RIPK1: variants seen among roughly 807,000 people sequenced by gnomAD.
RIPK1 encodes the protein receptor-interacting serine/threonine-protein kinase 1.
RIPK1 carries 27 observed loss-of-function variants against 62.4 expected under a neutral mutation model. The ratio of observed to expected loss-of-function variants is 0.43; its 90% confidence interval spans 0.32 to 0.60. The LOEUF (loss-of-function observed/expected upper bound fraction) is 0.60. RIPK1 is among the 20% of genes least tolerant of loss of function. RIPK1 has a pLI of 0.07. For synonymous variants in RIPK1, 287 were observed against 303.2 expected (o/e 0.95, Z 0.55); for missense variants, 735 against 831.0 (o/e 0.88, Z 1.42).
In RIPK1 at chr6:3,110,891, A is replaced by G; in HGVS notation, c.1665A>G (p.Ser555=). Residue 555 remains serine, a synonymous_variant, in exon 10 of 11, where the codon TCA becomes TCG. Coordinates refer to ENST00000259808, the MANE Select transcript of RIPK1 (RefSeq NM_001354930.2). ...TGGAGATTGGTGGGACGAGTTCATC[A>G]CTACTAGACAGCACAAATACGAACT... ...NYMEIGGTSS[S]LLDSTNTNFK... is the part of the protein sequence containing the mutation. The G allele has an allele frequency of 6.2e-7, 1 of 1,612,634 alleles. No individual in the cohort carries two copies. The highest frequency in any genetic ancestry group is 8.5e-7 in the Non-Finnish European group (1 of 1,178,714).
rs1554113509 is a variant in RIPK1, at chr6:3,076,777, C to CT, written c.-47_-46insT. ...TTTTCTTTACAGGGTACAGCTCTGC[C>CT]GGGGGGGGAAAAAGTGGTACCATTT... is the stretch of plus-strand genomic sequence containing the variant. On this transcript the variant is annotated 5_prime_UTR_variant, in exon 2 of 11. Coordinates refer to ENST00000259808, the MANE Select transcript of RIPK1 (RefSeq NM_001354930.2). 2.5e-6 allele frequency: 4 copies of CT among 1,579,880 alleles called. No homozygotes were observed. The highest frequency in any genetic ancestry group is 3.4e-6 in the Non-Finnish European group (4 of 1,161,520).
intron 4 of RIPK1, among the ~76,000 whole-genome samples, chr6:3,082,307 C>T (rs1759432921): frequency 6.6e-6 from 1 of 152,186 alleles, no homozygotes; most frequent in African/African-American, 2.4e-5. Context: ...CATGACTTCC[C>T]TCTTATGTCG....
chr6:3,065,685 C>G (rs1414688915), upstream of RIPK1, among the ~76,000 whole-genome samples: 1 of 152,174 alleles, frequency 6.6e-6, no homozygotes, highest in Non-Finnish European at 1.5e-5. Context: ...GACCTACCCC[C>G]TCATATTCAC....
intron 1 of RIPK1, among the ~76,000 whole-genome samples, chr6:3,073,980 AAGTACACATC>A (rs1355468806): frequency 2.0e-5 from 3 of 152,214 alleles, no homozygotes; most frequent in Non-Finnish European, 4.4e-5. Context: ...ATGTATTTCC[AAGTACACATC>A]AGTACACATC....
chr6:3,082,970 T>C (rs952017566), intron 4 of RIPK1, 115 bp from the exon 5 acceptor site: 3 of 976,250 alleles, frequency 3.1e-6, no homozygotes, highest in Admixed American at 1.9e-5. Context: ...AGTGCAACCA[T>C]TTCTGGAAAA....
intron 7 of RIPK1, among the ~76,000 whole-genome samples, chr6:3,099,538 C>T (rs1050899444): frequency 2.0e-5 from 3 of 151,976 alleles, no homozygotes; most frequent in East Asian, 1.9e-4. Flanking sequence ...AGTGAGACTC[C>T]GTCTCAAAAA....
At position 3,113,279 on chromosome 6, in the gene RIPK1, G is replaced by A. The variant is rs759227538; in HGVS notation, c.1956G>A (p.Ala652=). 1.4e-5 allele frequency: 22 copies of A among 1,614,126 alleles called. No individual in the cohort carries two copies. The highest frequency in any genetic ancestry group is 1.9e-5 in the Non-Finnish European group (22 of 1,180,022). ...CCACGGTGGGGAAGCTGGCCCAGGC[G>A]CTCCACCAGTGTTCCAGGATCGACC... ...KGATVGKLAQ[A]LHQCSRIDLL... The change falls in exon 11 of 11, where the codon GCG becomes GCA. Residue 652 remains alanine (A), a synonymous_variant. Transcript: ENST00000259808. The surrounding 1 kb of genome is among the most constrained non-coding windows in gnomAD (Gnocchi z 5.0).
At chr6:3,100,462 TAG>T (rs1420680360) in intron 7 of RIPK1, among the ~76,000 whole-genome samples, 1 of 152,024 alleles carries the variant, frequency 6.6e-6, no homozygotes, top group Non-Finnish European at 1.5e-5. Context: ...TGCAAATTCC[TAG>T]AGAGAGAATA....
chr6:3,110,852 A>C lies in RIPK1; in HGVS notation c.1626A>C (p.Gly542=), dbSNP rs752782841. Residue 542 remains glycine, a synonymous_variant, in exon 10 of 11, where the codon GGA becomes GGC. Transcript: ENST00000259808. ...ACAATAGTACTGGCATTCAGATTGG[A>C]GCCTACAATTATATGGAGATTGGTG... ...TIYNSTGIQI[G]AYNYMEIGGT... is the part of the protein sequence containing the mutation. 3.8e-6 allele frequency: 6 copies of C among 1,598,018 alleles called. No individual in the cohort carries two copies. Among genetic ancestry groups the C allele is most frequent in the Non-Finnish European group, 5.1e-6 (6 of 1,165,540 alleles).
intron 6 of RIPK1, among the ~76,000 whole-genome samples, chr6:3,086,031 T>C (rs534801658): frequency 6.6e-6 from 1 of 152,354 alleles, no homozygotes; most frequent in African/African-American, 2.4e-5. Flanking sequence ...CCTTCTTGCT[T>C]CTTCACTTCT....
chr6:3,072,960 T>C lies in RIPK1; in HGVS notation c.-60-3804T>C, dbSNP rs570299481. ...CTAGGATTGGTCAGTAGGGCCCTGC[T>C]GACAGAGTGATCCCAGCTGAGAATG... is the stretch of plus-strand genomic sequence containing the variant. On this transcript the variant is annotated intron_variant, in intron 1 of 10. Transcript: ENST00000259808. This position sits in a 1 kb window ranked among gnomAD's most constrained non-coding sequence, Gnocchi z 5.6. 3.9e-5 allele frequency among the ~76,000 whole-genome samples: 6 copies of C among 152,268 alleles called. No homozygotes were observed. The highest frequency in any genetic ancestry group is 8.8e-5 in the Non-Finnish European group (6 of 68,010).
At chr6:3,071,292 A>G (rs1374762878) in intron 1 of RIPK1, among the ~76,000 whole-genome samples, 4 of 152,244 alleles carry the variant, frequency 2.6e-5, no homozygotes, top group African/African-American at 9.6e-5. Context: ...AAAGTTAATT[A>G]GAATATTTTG....
chr6:3,082,632 C>A (rs1759454129), intron 4 of RIPK1, among the ~76,000 whole-genome samples: 1 of 152,154 alleles, frequency 6.6e-6, no homozygotes, highest in African/African-American at 2.4e-5. Flanking sequence ...CATCCATGGG[C>A]CTCTGGACGC....
At position 3,114,610 on chromosome 6, in the gene RIPK1, A is replaced by G. The variant is rs568325451; in HGVS notation, c.*1271A>G. On this transcript the variant is annotated 3_prime_UTR_variant, in exon 11 of 11. Transcript: ENST00000259808. The surrounding 1 kb of genome is among the most constrained non-coding windows in gnomAD (Gnocchi z 5.0). Reference sequence around the variant, plus strand: ...GAACAGATTCTGGTGTCTTGGGCTGATAACAGTGTTGTTGATTCTGATTGT... The same window carrying G: ...GAACAGATTCTGGTGTCTTGGGCTGGTAACAGTGTTGTTGATTCTGATTGT... 3.3e-5 allele frequency: 5 copies of G among 152,290 alleles called. No individual in the cohort carries two copies. Among genetic ancestry groups the G allele is most frequent in the South Asian group, 2.1e-4 (1 of 4,832 alleles). 9.4% of individuals were successfully genotyped at this position (152,290 alleles called of 1,614,324 possible). A position where few individuals can be genotyped will look rare whatever the true frequency, so the allele number is the denominator to read the frequency against.
chr6:3,107,738 C>G (rs1461219591), intron 9 of RIPK1, among the ~76,000 whole-genome samples: 2 of 151,904 alleles, frequency 1.3e-5, no homozygotes, highest in African/African-American at 2.4e-5. Flanking sequence ...CATTTTTTAT[C>G]TTTTTTCTAC....
intron 6 of RIPK1, among the ~76,000 whole-genome samples, chr6:3,085,660 G>C (rs1033491273): frequency 6.6e-6 from 1 of 152,080 alleles, no homozygotes; most frequent in African/African-American, 2.4e-5. Flanking sequence ...TTAAATATAC[G>C]TAACATGAAA....
upstream of RIPK1, among the ~76,000 whole-genome samples, chr6:3,066,399 C>G (rs899711113): frequency 6.6e-6 from 1 of 152,110 alleles, no homozygotes; most frequent in Non-Finnish European, 1.5e-5. Flanking sequence ...TAAATATTTA[C>G]TGAAGGAATG....
In RIPK1 at chr6:3,077,804, G is replaced by A. The variant is rs1759158838; in HGVS notation, c.190G>A (p.Ala64Thr). Residue 64 changes from alanine to threonine, a missense_variant, in exon 3 of 11, where the codon GCG (alanine) becomes ACG (threonine). Coordinates refer to ENST00000259808, the MANE Select transcript of RIPK1 (RefSeq NM_001354930.2). ...GCACAACGAGGCCCTCTTGGAGGAGGCGAAGATGATGAACAGACTGAGACA... is the reference window on the plus strand; with the variant it reads ...GCACAACGAGGCCCTCTTGGAGGAGACGAAGATGATGAACAGACTGAGACA... ...IEHNEALLEE[A>T]KMMNRLRHSR... 6.2e-7 allele frequency: 1 copy of A among 1,614,216 alleles called. No homozygotes were observed. Among genetic ancestry groups the A allele is most frequent in the African/African-American group, 1.3e-5 (1 of 75,068 alleles).
intron 1 of RIPK1, among the ~76,000 whole-genome samples, chr6:3,073,040 C>T (rs534704555): frequency 5.3e-5 from 8 of 152,132 alleles, no homozygotes; most frequent in South Asian, 2.1e-4. Flanking sequence ...CACATGTGGG[C>T]GGCTGGGCCA....
Sources: gnomAD v4.1 joint callset for allele counts (sites outside exome capture counted in the v4.1 genomes callset) on GRCh38, gnomAD v4.1.1 for gene constraint, Gnocchi (gnomAD v3.1) non-coding constraint, MANE v1.5 for transcripts, NCBI Gene and HGNC (gene_info 2026-07-23, HGNC 2026-07-21) for gene names.